HSD17B12: variants seen among roughly 807,000 people sequenced by gnomAD.
HSD17B12 encodes the protein hydroxysteroid 17-beta dehydrogenase 12.
HSD17B12 carries 32 observed loss-of-function variants against 39.3 expected under a neutral mutation model. The observed-to-expected ratio is 0.81, with a 90% CI of 0.61 to 1.09. The LOEUF is 1.09. HSD17B12 is among the 50% of genes least tolerant of loss of function. The pLI is 0.00. For missense variants in HSD17B12, 342 were observed against 382.9 expected (o/e 0.89, Z 0.89); for synonymous variants, 150 against 146.7 (o/e 1.02, Z -0.16).
chr11:43,784,809 G>A (rs558808079), intron 3 of HSD17B12, among the ~76,000 whole-genome samples: 1 of 152,286 alleles, frequency 6.6e-6, no homozygotes, highest in South Asian at 2.1e-4. Flanking sequence ...ACAGACACAT[G>A]TGCCAACTTT....
chr11:43,758,810 A>C (rs904070337), intron 3 of HSD17B12, among the ~76,000 whole-genome samples: 1 of 152,212 alleles, frequency 6.6e-6, no homozygotes, highest in African/African-American at 2.4e-5. Flanking sequence ...GTACTTCATT[A>C]CAATTAACAG....
chr11:43,619,260 T>A, the HSD17B12 span, among the ~76,000 whole-genome samples: 20 of 91,614 alleles, frequency 2.2e-4, no homozygotes, highest in East Asian at 7.3e-4. Flanking sequence ...ATATATATAT[T>A]TTATATATAT....
chr11:43,690,990 T>G (rs1005038960), intron 1 of HSD17B12, among the ~76,000 whole-genome samples: 2 of 152,220 alleles, frequency 1.3e-5, no homozygotes, highest in Non-Finnish European at 2.9e-5. Context: ...TTTCCCGACT[T>G]TCCCTCAAAT....
At chr11:43,828,602 T>G (rs1951274768) in intron 6 of HSD17B12, among the ~76,000 whole-genome samples, 1 of 151,974 alleles carries the variant, frequency 6.6e-6, no homozygotes, top group Admixed American at 6.6e-5. Context: ...TTTTTAGAAG[T>G]GTGTTAAGAG....
the HSD17B12 span, among the ~76,000 whole-genome samples, chr11:43,572,949 C>A: frequency 6.6e-6 from 1 of 152,174 alleles, no homozygotes; most frequent in African/African-American, 2.4e-5. Context: ...ACATTACCTA[C>A]TGGCATTTTT....
intron 9 of HSD17B12, among the ~76,000 whole-genome samples, chr11:43,849,832 A>C (rs909889545): frequency 6.6e-6 from 1 of 152,244 alleles, no homozygotes; most frequent in Admixed American, 6.5e-5. Flanking sequence ...AATTTTATTC[A>C]TTAAGTTCCC....
At chr11:43,789,888 C>T (rs190984732) in intron 3 of HSD17B12, among the ~76,000 whole-genome samples, 11 of 152,204 alleles carry the variant, frequency 7.2e-5, no homozygotes, top group East Asian at 1.9e-4. Context: ...GCCATGACCG[C>T]GCCACTGCAC....
the HSD17B12 span, among the ~76,000 whole-genome samples, chr11:43,657,814 T>C: frequency 6.6e-5 from 10 of 152,332 alleles, no homozygotes; most frequent in African/African-American, 2.4e-4. Context: ...ACCCGACCTT[T>C]CTCTCTGGCT....
chr11:43,603,205 A>G, the HSD17B12 span, among the ~76,000 whole-genome samples: 2 of 152,128 alleles, frequency 1.3e-5, no homozygotes, highest in Non-Finnish European at 2.9e-5. Context: ...TTCAGAGGAC[A>G]GTAATATCTG....
chr11:43,756,414 G>C (rs1184725052), intron 3 of HSD17B12, among the ~76,000 whole-genome samples: 1 of 152,070 alleles, frequency 6.6e-6, no homozygotes, highest in South Asian at 2.1e-4. Flanking sequence ...TCTGAATTAA[G>C]CCATGACACT....
At chr11:43,766,353 T>C (rs1474529859) in intron 3 of HSD17B12, among the ~76,000 whole-genome samples, 1 of 152,148 alleles carries the variant, frequency 6.6e-6, no homozygotes, top group Non-Finnish European at 1.5e-5. Context: ...ACCTCATTTG[T>C]TTTCTTTCTC....
At chr11:43,710,033 A>G (rs1459547971) in intron 1 of HSD17B12, among the ~76,000 whole-genome samples, 1 of 152,170 alleles carries the variant, frequency 6.6e-6, no homozygotes, top group Non-Finnish European at 1.5e-5. Flanking sequence ...TAGGTAACTA[A>G]GTTGAAGCTG....
the HSD17B12 span, chr11:43,569,340 G>A: frequency 6.6e-6 from 1 of 152,224 alleles, no homozygotes; most frequent in East Asian, 1.9e-4. Flanking sequence ...AACAAGGGCA[G>A]ACTTTCTGCA....
intron 3 of HSD17B12, among the ~76,000 whole-genome samples, chr11:43,758,174 T>A (rs1211341909): frequency 6.6e-6 from 1 of 152,174 alleles, no homozygotes; most frequent in African/African-American, 2.4e-5. Context: ...TAAAAATATT[T>A]GGCCCAATCT....
At chr11:43,637,216 C>CT in the HSD17B12 span, among the ~76,000 whole-genome samples, 2 of 102,470 alleles carry the variant, frequency 2.0e-5, no homozygotes, top group East Asian at 4.2e-4. Context: ...TGGTGTTTTT[C>CT]CTTTTTTTTT....
At chr11:43,563,922 C>CT in the HSD17B12 span, among the ~76,000 whole-genome samples, 581 of 149,816 alleles carry the variant, frequency 3.9e-3, 7 homozygotes, top group African/African-American at 0.013. Context: ...CTTTTTTTTT[C>CT]TTTTTTTTTA....
chr11:43,848,269 A>G (rs1001535268), intron 9 of HSD17B12, among the ~76,000 whole-genome samples: 1 of 152,220 alleles, frequency 6.6e-6, no homozygotes, highest in Non-Finnish European at 1.5e-5. Flanking sequence ...CATTGGACTC[A>G]GATCCCTTCC....
intron 3 of HSD17B12, among the ~76,000 whole-genome samples, chr11:43,783,047 G>A (rs1398639126): frequency 1.3e-5 from 2 of 152,138 alleles, no homozygotes; most frequent in Non-Finnish European, 2.9e-5. Context: ...AAAGTAATTG[G>A]CCTGTAATAA....
At chr11:43,577,842 T>G in the HSD17B12 span, among the ~76,000 whole-genome samples, 1 of 152,160 alleles carries the variant, frequency 6.6e-6, no homozygotes, top group Non-Finnish European at 1.5e-5. Flanking sequence ...GGAGTCTAAA[T>G]CAGCCTGAAG....
Sources: gnomAD v4.1 joint callset for allele counts (sites outside exome capture counted in the v4.1 genomes callset) on GRCh38, gnomAD v4.1.1 for gene constraint, MANE v1.5 for transcripts, NCBI Gene and HGNC (gene_info 2026-07-23, HGNC 2026-07-21) for gene names.